CNTN4: variants seen among roughly 807,000 people sequenced by gnomAD.
CNTN4 encodes contactin-4.
In CNTN4, 77 loss-of-function variants were observed where a neutral mutation model predicts 122.5. That is an observed-to-expected ratio of 0.63 (90% CI 0.52 to 0.76). The LOEUF is 0.76. Among genes scored for constraint, CNTN4 ranks in the 30% least tolerant of loss-of-function variants. The pLI, the probability that CNTN4 is intolerant of heterozygous loss-of-function variation, is 0.00. For missense variants in CNTN4, 1,256 were observed against 1,259.1 expected, an observed-to-expected ratio of 1.00 and a Z score of 0.04; for synonymous variants, 512 against 447.0, an observed-to-expected ratio of 1.15 and a Z score of -1.83.
chr3:2,668,746 T>C (rs1039988442), intron 4 of CNTN4, among the ~76,000 whole-genome samples: 40 of 152,316 alleles, frequency 2.6e-4, no homozygotes, highest in African/African-American at 9.4e-4. Flanking sequence ...AGATAGTTCT[T>C]ATTATTTTGA....
At position 2,098,932 on chromosome 3, in the gene CNTN4, C is replaced by G. The variant is rs1193435362; in HGVS notation, c.-273C>G. ...CCGCCCCGGGCCCCTCGGACTGTGCCGGCGCCGCACCCGAGGCTCTCGCCA... is the reference window on the plus strand; with the variant it reads ...CCGCCCCGGGCCCCTCGGACTGTGCGGGCGCCGCACCCGAGGCTCTCGCCA... On this transcript the variant is annotated 5_prime_UTR_variant, in exon 1 of 25. Coordinates refer to ENST00000418658, the MANE Select transcript of CNTN4 (RefSeq NM_175607.3). 1 of 152,242 alleles carries G rather than the reference C, an allele frequency of 6.6e-6. No individual in the cohort carries two copies. The highest frequency in any genetic ancestry group is 1.5e-5 in the Non-Finnish European group (1 of 68,068). 9.4% of individuals were successfully genotyped at this position (152,242 alleles called of 1,614,324 possible).
intron 4 of CNTN4, among the ~76,000 whole-genome samples, chr3:2,665,801 GA>G (rs1421453914): frequency 6.6e-6 from 1 of 152,250 alleles, no homozygotes; most frequent in African/African-American, 2.4e-5. Context: ...TGATATATGA[GA>G]AAAAATATGG....
intron 2 of CNTN4, among the ~76,000 whole-genome samples, chr3:2,156,294 C>T (rs1007155063): frequency 1.3e-5 from 2 of 152,156 alleles, no homozygotes; most frequent in Non-Finnish European, 2.9e-5. Context: ...AGCCCAAGTG[C>T]TGGGCGTCTT....
intron 2 of CNTN4, among the ~76,000 whole-genome samples, chr3:2,216,410 G>A (rs987954941): frequency 1.3e-5 from 2 of 152,116 alleles, no homozygotes; most frequent in Non-Finnish European, 2.9e-5. Flanking sequence ...GGAGGAGGGA[G>A]AGCAGAAAAG....
At chr3:2,194,180 G>T (rs1404645312) in intron 2 of CNTN4, among the ~76,000 whole-genome samples, 3 of 152,098 alleles carry the variant, frequency 2.0e-5, no homozygotes, top group Non-Finnish European at 4.4e-5. Flanking sequence ...GAAAGTGAAT[G>T]GGGCCAGGCA....
chr3:2,420,520 C>T (rs1445696372), intron 3 of CNTN4, among the ~76,000 whole-genome samples: 1 of 152,052 alleles, frequency 6.6e-6, no homozygotes, highest in Non-Finnish European at 1.5e-5. Flanking sequence ...ACTGCAACCT[C>T]TGCCTCCCAG....
At chr3:2,700,121 G>A (rs1158048407) in intron 4 of CNTN4, among the ~76,000 whole-genome samples, 1 of 152,112 alleles carries the variant, frequency 6.6e-6, no homozygotes, top group Non-Finnish European at 1.5e-5. Context: ...TAGACATGGT[G>A]CCTGAAGGCA....
chr3:2,608,529 T>A (rs2081350187), intron 4 of CNTN4, among the ~76,000 whole-genome samples: 1 of 152,242 alleles, frequency 6.6e-6, no homozygotes, highest in Non-Finnish European at 1.5e-5. Flanking sequence ...CAAAGTCTGC[T>A]GCAGTGATCT....
chr3:2,238,032 T>C (rs2039751592), intron 2 of CNTN4, among the ~76,000 whole-genome samples: 1 of 151,860 alleles, frequency 6.6e-6, no homozygotes, highest in Non-Finnish European at 1.5e-5. Context: ...GACGTTTTTA[T>C]AAAACCAGTG....
chr3:2,801,686 A>T (rs2092351245), intron 6 of CNTN4, among the ~76,000 whole-genome samples: 1 of 149,880 alleles, frequency 6.7e-6, no homozygotes, highest in South Asian at 2.1e-4. Context: ...TGGCATGTCT[A>T]CTCTGTCAGA....
intron 7 of CNTN4, among the ~76,000 whole-genome samples, chr3:2,831,576 G>T (rs569971293): frequency 6.6e-6 from 1 of 152,110 alleles, no homozygotes; most frequent in African/African-American, 2.4e-5. Context: ...ATCTCCAGCC[G>T]AAACACACCC....
intron 3 of CNTN4, among the ~76,000 whole-genome samples, chr3:2,532,691 A>G (rs750502892): frequency 6.6e-6 from 1 of 152,186 alleles, no homozygotes; most frequent in Non-Finnish European, 1.5e-5. Context: ...AGTGAAAACT[A>G]TTGTAAATAT....
chr3:2,737,721 A>G (rs1165987000), intron 5 of CNTN4, among the ~76,000 whole-genome samples: 1 of 152,178 alleles, frequency 6.6e-6, no homozygotes, highest in African/African-American at 2.4e-5. Context: ...GGCTTCAGAG[A>G]ACAGAGGTCA....
intron 14 of CNTN4, among the ~76,000 whole-genome samples, chr3:3,025,508 G>A (rs1344582884): frequency 2.0e-5 from 3 of 151,978 alleles, no homozygotes; most frequent in Non-Finnish European, 4.4e-5. Flanking sequence ...TTTTTATAAT[G>A]GTGTAAAACA....
At chr3:3,009,665 C>G (rs188429995) in intron 14 of CNTN4, among the ~76,000 whole-genome samples, 6 of 152,098 alleles carry the variant, frequency 3.9e-5, no homozygotes, top group South Asian at 4.1e-4. Context: ...GATCTCCTGA[C>G]CTCGTGATCT....
intron 3 of CNTN4, among the ~76,000 whole-genome samples, chr3:2,481,832 A>G (rs1347414497): frequency 3.9e-5 from 6 of 152,076 alleles, no homozygotes; most frequent in Non-Finnish European, 8.8e-5. Context: ...GCTAGCACTC[A>G]TTCTCTCTCC....
chr3:2,700,711 A>G (rs540207041), intron 4 of CNTN4, among the ~76,000 whole-genome samples: 11 of 152,256 alleles, frequency 7.2e-5, no homozygotes, highest in African/African-American at 2.6e-4. Flanking sequence ...AGTTCGCTTC[A>G]GTTTACTGAT....
intron 6 of CNTN4, among the ~76,000 whole-genome samples, chr3:2,766,601 G>T (rs955535436): frequency 6.6e-6 from 1 of 152,156 alleles, no homozygotes; most frequent in Non-Finnish European, 1.5e-5. Context: ...GCGGGGAAAG[G>T]TGGGAAGAGG....
intron 6 of CNTN4, among the ~76,000 whole-genome samples, chr3:2,789,776 G>T (rs748500817): frequency 6.6e-6 from 1 of 152,170 alleles, no homozygotes; most frequent in Non-Finnish European, 1.5e-5. Flanking sequence ...AAAGAACAAT[G>T]TAGAGAGGTT....
Sources: gnomAD v4.1 joint callset for allele counts (sites outside exome capture counted in the v4.1 genomes callset) on GRCh38, gnomAD v4.1.1 for gene constraint, MANE v1.5 for transcripts, NCBI Gene and HGNC (gene_info 2026-07-23, HGNC 2026-07-21) for gene names.